Variants in AHRR observed in about 807,000 individuals in gnomAD.
AHRR encodes aryl hydrocarbon receptor repressor, also known as ahR repressor.
AHRR carries 28 observed loss-of-function variants against 44.0 expected under a neutral mutation model. That is an observed-to-expected ratio of 0.64 (90% CI 0.47 to 0.87). The LOEUF is 0.87. Ranked by LOEUF, AHRR falls within the 40% of genes least tolerant of loss-of-function variation. AHRR has a pLI of 0.00. For missense variants in AHRR, 990 were observed against 953.9 expected, an observed-to-expected ratio of 1.04 and a Z score of -0.50; for synonymous variants, 434 against 407.0, an observed-to-expected ratio of 1.07 and a Z score of -0.80.
chr5:391,523 G>A (rs1333469831), intron 4 of AHRR, among the ~76,000 whole-genome samples: 41 of 51,754 alleles, frequency 7.9e-4, no homozygotes, highest in South Asian at 1.1e-3. Flanking sequence ...GCGTGCATGG[G>A]GGCAGGGCGA....
chr5:382,823 A>G (rs988114455), intron 4 of AHRR, among the ~76,000 whole-genome samples: 1 of 128,442 alleles, frequency 7.8e-6, no homozygotes, highest in Non-Finnish European at 1.7e-5. Context: ...TAAATATTTT[A>G]TTTTTCTTTA....
At chr5:409,840 C>A (rs186983840) in intron 4 of AHRR, among the ~76,000 whole-genome samples, 64 of 152,260 alleles carry the variant, frequency 4.2e-4, no homozygotes, top group Non-Finnish European at 5.6e-4. Context: ...CTACCCAAAT[C>A]TACCTACCTC....
chr5:376,562 C>CGCGGGGT, intron 3 of AHRR, 48 bp from the exon 4 acceptor site: 1 of 195,702 alleles, frequency 5.1e-6, no homozygotes, highest in Non-Finnish European at 9.1e-6. Context: ...AGAAGAGTGG[C>CGCGGGGT]CAGGCCAAGG....
intron 3 of AHRR, among the ~76,000 whole-genome samples, chr5:374,226 G>C (rs1008397300): frequency 2.6e-5 from 4 of 152,110 alleles, no homozygotes; most frequent in African/African-American, 9.7e-5. Context: ...GGGTCTCACG[G>C]GGCGACCCCA....
intron 3 of AHRR, among the ~76,000 whole-genome samples, chr5:359,642 A>C (rs1336030815): frequency 2.0e-5 from 3 of 152,208 alleles, no homozygotes; most frequent in Non-Finnish European, 4.4e-5. Context: ...CACCCGCAGC[A>C]GCATCGGAGT....
intron 7 of AHRR, among the ~76,000 whole-genome samples, chr5:425,564 T>G (rs1332408524): frequency 3.3e-5 from 5 of 152,242 alleles, no homozygotes; most frequent in Non-Finnish European, 7.3e-5. Context: ...GATACTTACT[T>G]TTATTGGCTA....
chr5:325,632 C>T (rs1432460367), intron 1 of AHRR, among the ~76,000 whole-genome samples: 1 of 152,156 alleles, frequency 6.6e-6, no homozygotes, highest in Non-Finnish European at 1.5e-5. Flanking sequence ...CCGTCCCACC[C>T]TCCGCACCAC....
intron 6 of AHRR, among the ~76,000 whole-genome samples, 155 bp from the exon 7 acceptor site, chr5:423,686 T>C (rs977428251): frequency 1.3e-5 from 2 of 152,232 alleles, no homozygotes; most frequent in Non-Finnish European, 1.5e-5. Context: ...AGGCAAAATT[T>C]GAGTGACATC....
At chr5:343,798 G>A in intron 1 of AHRR, 95 bp from the exon 2 acceptor site, 1 of 1,314,304 alleles carries the variant, frequency 7.6e-7, no homozygotes, top group Non-Finnish European at 1.0e-6. Context: ...GCGGGTGTGG[G>A]GGCGCCAGGA....
At chr5:376,809 C>A in intron 4 of AHRR, 93 bp downstream of exon 4, 1 of 1,126,552 alleles carries the variant, frequency 8.9e-7, no homozygotes, top group Non-Finnish European at 1.3e-6. Flanking sequence ...CACGCATGTT[C>A]AGGCCCTCAC....
chr5:426,452 GTGAATGGA>G (rs1267721819), intron 7 of AHRR, among the ~76,000 whole-genome samples: 4 of 137,644 alleles, frequency 2.9e-5, no homozygotes, highest in Non-Finnish European at 6.3e-5. Flanking sequence ...GGAAAGATGG[GTGAATGGA>G]TGGATGGATG....
intron 8 of AHRR, among the ~76,000 whole-genome samples, chr5:431,555 C>T (rs752208035): frequency 1.3e-5 from 2 of 152,168 alleles, no homozygotes; most frequent in African/African-American, 2.4e-5. Context: ...GTGCATTCTG[C>T]AGAATCAGAG....
intron 1 of AHRR, among the ~76,000 whole-genome samples, chr5:323,817 T>C (rs1281308534): frequency 1.3e-5 from 2 of 151,930 alleles, no homozygotes; most frequent in Admixed American, 6.6e-5. Context: ...TGGTCTGGGG[T>C]GATCAGGCAT....
intron 3 of AHRR, chr5:367,728 C>G (rs538347395): frequency 1.6e-6 from 1 of 643,360 alleles, no homozygotes. Flanking sequence ...GACACCACCC[C>G]CTCTGCTGCT....
intron 1 of AHRR, among the ~76,000 whole-genome samples, chr5:329,776 T>C (rs972695783): frequency 3.3e-5 from 5 of 152,246 alleles, no homozygotes; most frequent in African/African-American, 9.6e-5. Flanking sequence ...TAGATCATTA[T>C]TGGTGTAAAG....
At position 395,800 on chromosome 5, in the gene AHRR, G is replaced by A. The variant is rs899203885; in HGVS notation, c.352-17544G>A. On this transcript the variant is annotated intron_variant, in intron 4 of 10. Transcript: ENST00000684583. The surrounding 1 kb of genome is among the most constrained non-coding windows in gnomAD (Gnocchi z 5.3). ...TAGAAGCCCTCCCAGCTGGGGCTGC[G>A]CACACGTTCCTGTGAGGGACCCTTT... 4.6e-5 allele frequency among the ~76,000 whole-genome samples: 7 copies of A among 152,224 alleles called. No homozygotes were observed. Among genetic ancestry groups the A allele is most frequent in the African/African-American group, 9.6e-5 (4 of 41,460 alleles).
intron 1 of AHRR, among the ~76,000 whole-genome samples, chr5:322,022 A>T (rs1447072134): frequency 6.6e-6 from 1 of 151,780 alleles, no homozygotes; most frequent in East Asian, 2.0e-4. Flanking sequence ...TAAAACTCGG[A>T]CCTCGGAGGG....
chr5:324,279 C>T (rs945618333), intron 1 of AHRR, among the ~76,000 whole-genome samples: 3 of 151,382 alleles, frequency 2.0e-5, no homozygotes, highest in African/African-American at 7.3e-5. Flanking sequence ...AAATGTTGGC[C>T]AGGCTGGTCT....
chr5:413,823 C>T (rs1315242299), intron 5 of AHRR, among the ~76,000 whole-genome samples: 2 of 152,222 alleles, frequency 1.3e-5, no homozygotes, highest in Non-Finnish European at 2.9e-5. Flanking sequence ...TGTGGAAATG[C>T]CCTTCCTGAC....
Sources: gnomAD v4.1 joint callset for allele counts (sites outside exome capture counted in the v4.1 genomes callset) on GRCh38, gnomAD v4.1.1 for gene constraint, Gnocchi (gnomAD v3.1) non-coding constraint, MANE v1.5 for transcripts, NCBI Gene and HGNC (gene_info 2026-07-23, HGNC 2026-07-21) for gene names.